The following AGBL4 variants were observed in gnomAD, a reference collection of about 807,000 sequenced individuals.
The protein encoded by AGBL4 is AGBL carboxypeptidase 4.
A neutral mutation model predicts 66.4 loss-of-function variants in AGBL4; 58 were observed. The ratio of observed to expected loss-of-function variants is 0.87; its 90% confidence interval spans 0.71 to 1.09. The LOEUF is 1.09. AGBL4 is among the 50% of genes least tolerant of loss of function. The pLI, the probability that AGBL4 is intolerant of heterozygous loss-of-function variation, is 0.00. For synonymous variants in AGBL4, 234 were observed against 222.9 expected (o/e 1.05, Z -0.44); for missense variants, 579 against 631.0 (o/e 0.92, Z 0.88).
chr1:49,623,139 C>A (rs903909148), intron 3 of AGBL4, among the ~76,000 whole-genome samples: 1 of 152,178 alleles, frequency 6.6e-6, no homozygotes, highest in Non-Finnish European at 1.5e-5. Context: ...TACTTGTCAG[C>A]TCTTCCTTGG....
intron 1 of AGBL4, among the ~76,000 whole-genome samples, chr1:49,988,911 T>G (rs551093728): frequency 2.6e-5 from 4 of 152,292 alleles, no homozygotes; most frequent in Non-Finnish European, 5.9e-5. Context: ...CCATAGCACC[T>G]GAAATTCCCA....
intron 4 of AGBL4, among the ~76,000 whole-genome samples, chr1:49,177,666 A>G (rs2148179296): frequency 6.6e-6 from 1 of 152,226 alleles, no homozygotes; most frequent in South Asian, 2.1e-4. Flanking sequence ...GCTCTTTTGC[A>G]CAGGACTATT....
At chr1:49,206,218 A>G (rs1473425334) in intron 4 of AGBL4, among the ~76,000 whole-genome samples, 1 of 152,156 alleles carries the variant, frequency 6.6e-6, no homozygotes, top group East Asian at 1.9e-4. Context: ...TGGAGTTCAC[A>G]ATCAGCTTTT....
intron 1 of AGBL4, among the ~76,000 whole-genome samples, chr1:49,898,368 T>G (rs1046271935): frequency 9.2e-5 from 14 of 151,964 alleles, no homozygotes; most frequent in African/African-American, 3.4e-4. Context: ...GAAAAGGTGC[T>G]CAAATTCATT....
intron 3 of AGBL4, among the ~76,000 whole-genome samples, chr1:49,618,316 T>C (rs1000539484): frequency 2.6e-5 from 4 of 152,162 alleles, no homozygotes; most frequent in African/African-American, 7.2e-5. Flanking sequence ...AATAAACATG[T>C]GTGGATGTGC....
intron 2 of AGBL4, among the ~76,000 whole-genome samples, chr1:49,772,845 G>A (rs182614873): frequency 1.2e-4 from 18 of 152,132 alleles, no homozygotes; most frequent in African/African-American, 4.1e-4. Context: ...ATTCTTACTA[G>A]GGACCTTTGA....
chr1:48,837,812 G>T (rs912986935), intron 6 of AGBL4, among the ~76,000 whole-genome samples: 1 of 98,642 alleles, frequency 1.0e-5, no homozygotes, highest in Non-Finnish European at 2.8e-5. Context: ...TGGTATGAGG[G>T]GCATGGGAGA....
At chr1:48,686,662 G>A (rs79689781) in intron 6 of AGBL4, among the ~76,000 whole-genome samples, 1 of 152,234 alleles carries the variant, frequency 6.6e-6, no homozygotes, top group Non-Finnish European at 1.5e-5. Context: ...CCAAGGAGCT[G>A]TGACACACGG....
At chr1:49,275,969 A>G (rs1437005682) in intron 3 of AGBL4, among the ~76,000 whole-genome samples, 1 of 152,156 alleles carries the variant, frequency 6.6e-6, no homozygotes, top group African/African-American at 2.4e-5. Context: ...ATAACCCAGA[A>G]AAATCTGTTA....
chr1:49,168,237 CA>C (rs1467897671), intron 4 of AGBL4, among the ~76,000 whole-genome samples: 4 of 152,208 alleles, frequency 2.6e-5, no homozygotes, highest in African/African-American at 7.2e-5. Context: ...TATCTTGATG[CA>C]CATGTTAAGA....
At chr1:48,762,746 G>A (rs1644342001) in intron 6 of AGBL4, among the ~76,000 whole-genome samples, 1 of 151,878 alleles carries the variant, frequency 6.6e-6, no homozygotes. Flanking sequence ...TGAGAATGCA[G>A]CTTATAAGCA....
At chr1:49,420,400 T>C (rs1309728539) in intron 3 of AGBL4, among the ~76,000 whole-genome samples, 1 of 152,074 alleles carries the variant, frequency 6.6e-6, no homozygotes, top group Non-Finnish European at 1.5e-5. Context: ...AGATAATGAA[T>C]GTAAAAGTGC....
At chr1:49,163,292 C>T (rs990264529) in intron 4 of AGBL4, among the ~76,000 whole-genome samples, 1 of 151,900 alleles carries the variant, frequency 6.6e-6, no homozygotes, top group Non-Finnish European at 1.5e-5. Flanking sequence ...TCCTTCTCAT[C>T]AAGCTTATAA....
In AGBL4 at chr1:48,846,272, T is replaced by G. The variant is rs574440345; in HGVS notation, c.634+20919A>C. ...ATTATGGGTCTGTAGTACTGCTACA[T>G]GCTAAATACTCAAGATTTGTAAGAT... On this transcript the variant is annotated intron_variant, in intron 6 of 13. Transcript: ENST00000371839. Among the ~76,000 whole-genome samples the G allele has an allele frequency of 1.1e-3, 171 of 151,736 alleles. 1 individual carries two copies. Among genetic ancestry groups the G allele is most frequent in the African/African-American group, 3.9e-3 (163 of 41,344 alleles).
At chr1:49,973,076 G>T (rs1658265656) in intron 1 of AGBL4, among the ~76,000 whole-genome samples, 2 of 152,154 alleles carry the variant, frequency 1.3e-5, no homozygotes, top group African/African-American at 4.8e-5. Flanking sequence ...GGTGCACAGG[G>T]CCACTGCCAG....
intron 3 of AGBL4, among the ~76,000 whole-genome samples, chr1:49,623,549 G>A (rs1199258665): frequency 6.6e-6 from 1 of 152,068 alleles, no homozygotes; most frequent in Non-Finnish European, 1.5e-5. Flanking sequence ...TAGTACTAAT[G>A]CCTCAAATTT....
At chr1:49,036,453 C>T (rs759750115) in intron 5 of AGBL4, among the ~76,000 whole-genome samples, 1 of 151,926 alleles carries the variant, frequency 6.6e-6, no homozygotes, top group Admixed American at 6.6e-5. Context: ...AAGTTTGACA[C>T]CATGGAGTAT....
intron 3 of AGBL4, among the ~76,000 whole-genome samples, chr1:49,540,424 T>C (rs1441356200): frequency 2.0e-5 from 3 of 152,226 alleles, no homozygotes; most frequent in Non-Finnish European, 4.4e-5. Context: ...TTACAGTACT[T>C]GGCATTTTTG....
At chr1:49,909,672 T>C (rs2148208028) in intron 1 of AGBL4, among the ~76,000 whole-genome samples, 1 of 152,218 alleles carries the variant, frequency 6.6e-6, no homozygotes, top group East Asian at 1.9e-4. Flanking sequence ...AATCAGAAGA[T>C]TTTGAGATGA....
Sources: allele counts gnomAD v4.1 joint callset (sites outside exome capture counted in the v4.1 genomes callset), GRCh38; gene constraint gnomAD v4.1.1; transcripts MANE v1.5; gene names NCBI Gene and HGNC (gene_info 2026-07-23, HGNC 2026-07-21).